Variants in WNK3 observed in about 807,000 individuals in gnomAD.
WNK3 encodes WNK lysine deficient protein kinase 3.
A neutral mutation model predicts 116.7 loss-of-function variants in WNK3; 18 were observed. The ratio of observed to expected loss-of-function variants is 0.15; its 90% CI spans 0.11 to 0.23. The LOEUF (loss-of-function observed/expected upper bound fraction) is 0.23. Ranked by LOEUF, WNK3 falls within the 10% of genes least tolerant of loss-of-function variation. WNK3 has a pLI of 1.00. For missense variants in WNK3, 993 were observed against 1,323.8 expected (o/e 0.75, Z 3.88); for synonymous variants, 404 against 469.4 (o/e 0.86, Z 1.80).
chrX:54,250,402 C>T lies in WNK3; in HGVS notation c.2576-271G>A, dbSNP rs934999179. ...AGAAACAGGGTACTCTTTGAAAAAA[C>T]TGACAGCACTTTTCTCATTAAAACC... On this transcript the variant is annotated intron_variant, in intron 15 of 23. Coordinates refer to ENST00000354646, the Ensembl canonical transcript of WNK3. Among the ~76,000 whole-genome samples the T allele has an allele frequency of 6.3e-5, 7 of 111,509 alleles. No homozygotes were observed. The East Asian group carries it at 2.0e-3, about 31-fold the overall frequency.
At chrX:54,252,275 T>G (rs2068141506) in intron 13 of WNK3, among the ~76,000 whole-genome samples, 1 of 111,228 alleles carries the variant, frequency 9.0e-6, no homozygotes, top group South Asian at 3.8e-4. Flanking sequence ...TATGTCATTC[T>G]ATAAATTGGT....
At chrX:54,257,856 C>T (rs782448413) in intron 11 of WNK3, among the ~76,000 whole-genome samples, 4 of 100,736 alleles carry the variant, frequency 4.0e-5, no homozygotes, top group Non-Finnish European at 6.0e-5. Flanking sequence ...AATATCCAAA[C>T]GCCCAGGAGA....
At chrX:54,246,352 A>AAAAG (rs1456177047) in intron 17 of WNK3, among the ~76,000 whole-genome samples, 3 of 111,363 alleles carry the variant, frequency 2.7e-5, no homozygotes, top group African/African-American at 9.8e-5. Context: ...CTGAAATTTA[A>AAAAG]AAAGAAAAAA....
At chrX:54,306,003 C>T (rs1282940775) in intron 5 of WNK3, among the ~76,000 whole-genome samples, 2 of 110,332 alleles carry the variant, frequency 1.8e-5, no homozygotes, top group East Asian at 2.8e-4. Context: ...TGCAGTGAGC[C>T]GAGATAGCGC....
chrX:54,214,897 C>T (rs2067665133), intron 22 of WNK3, among the ~76,000 whole-genome samples: 1 of 109,543 alleles, frequency 9.1e-6, no homozygotes, highest in African/African-American at 3.3e-5. Context: ...CCTGTAGTCC[C>T]AGCTACTCAG....
At chrX:54,243,660 G>A (rs2068047576) in intron 17 of WNK3, among the ~76,000 whole-genome samples, 1 of 111,503 alleles carries the variant, frequency 9.0e-6, no homozygotes, top group South Asian at 3.8e-4. Context: ...TGGAAAACAA[G>A]TGTTGGTAAG....
chrX:54,231,576 G>A (rs1557148920), intron 21 of WNK3, among the ~76,000 whole-genome samples: 1 of 111,695 alleles, frequency 9.0e-6, no homozygotes, highest in African/African-American at 3.3e-5. Flanking sequence ...TTCTGACACT[G>A]TTTCCCTTTT....
chrX:54,353,525 C>G (rs1336236172), intron 1 of WNK3, among the ~76,000 whole-genome samples: 2 of 110,285 alleles, frequency 1.8e-5, no homozygotes, highest in African/African-American at 6.6e-5. Flanking sequence ...AATTTTATCA[C>G]AATTTTTAAA....
intron 23 of WNK3, among the ~76,000 whole-genome samples, 172 bp downstream of exon 23, chrX:54,201,819 T>C (rs1557141686): frequency 8.9e-6 from 1 of 111,977 alleles, no homozygotes; most frequent in Non-Finnish European, 1.9e-5. Flanking sequence ...TACTGACTCA[T>C]GGTCTAAAAT....
intron 2 of WNK3, among the ~76,000 whole-genome samples, chrX:54,329,331 G>A (rs782224629): frequency 2.7e-5 from 3 of 111,718 alleles, no homozygotes; most frequent in Non-Finnish European, 5.6e-5. Flanking sequence ...CTTTCCAGAG[G>A]TGAATGATAG....
intron 12 of WNK3, among the ~76,000 whole-genome samples, chrX:54,255,175 T>G (rs2068177699): frequency 9.0e-6 from 1 of 111,234 alleles, no homozygotes; most frequent in African/African-American, 3.3e-5. Context: ...AGACGGGGTT[T>G]TATCATATTG....
intron 17 of WNK3, among the ~76,000 whole-genome samples, chrX:54,241,079 C>A (rs1189544455): frequency 1.8e-5 from 2 of 111,578 alleles, no homozygotes; most frequent in Admixed American, 9.6e-5. Context: ...GCAGCAGAGG[C>A]ATGCGCCCCC....
At chrX:54,277,750 G>A (rs1557161398) in intron 10 of WNK3, among the ~76,000 whole-genome samples, 3 of 111,446 alleles carry the variant, frequency 2.7e-5, no homozygotes, top group Non-Finnish European at 1.9e-5. Flanking sequence ...CAACACACAC[G>A]ATCACATTTC....
chrX:54,300,034 A>G (rs2068742189), intron 6 of WNK3, among the ~76,000 whole-genome samples: 1 of 109,573 alleles, frequency 9.1e-6, no homozygotes, highest in Non-Finnish European at 1.9e-5. Context: ...TAATTTTTGT[A>G]TTTCTTGTAG....
At chrX:54,277,510 G>A (rs782312290) in intron 10 of WNK3, among the ~76,000 whole-genome samples, 1 of 108,754 alleles carries the variant, frequency 9.2e-6, no homozygotes, top group African/African-American at 3.3e-5. Context: ...GCTAATTTTT[G>A]TATTTTTAGT....
intron 10 of WNK3, among the ~76,000 whole-genome samples, chrX:54,260,060 A>G (rs1342347169): frequency 9.0e-6 from 1 of 111,523 alleles, no homozygotes; most frequent in Admixed American, 9.6e-5. Flanking sequence ...GAACTGGCCT[A>G]TACCTGATTA....
intron 1 of WNK3, among the ~76,000 whole-genome samples, chrX:54,346,972 C>T (rs1017039605): frequency 4.5e-5 from 5 of 111,705 alleles, no homozygotes; most frequent in Non-Finnish European, 7.5e-5. Context: ...CAGTAATGAA[C>T]CATGTTGGCA....
chrX:54,333,532 C>G, exon 2 of WNK3: 1 of 1,211,575 alleles, frequency 8.3e-7, no homozygotes, highest in Non-Finnish European at 1.1e-6. Flanking sequence ...TCCCCAGAAG[C>G]AGAGAAGGTA....
chrX:54,302,018 C>A (rs1311846117), intron 5 of WNK3, among the ~76,000 whole-genome samples, 159 bp from the exon 6 acceptor site: 1 of 111,111 alleles, frequency 9.0e-6, no homozygotes, highest in East Asian at 2.8e-4. Context: ...AGTTTAATAA[C>A]CTTTTGACAA....
Sources: allele counts gnomAD v4.1 joint callset (sites outside exome capture counted in the v4.1 genomes callset), GRCh38; gene constraint gnomAD v4.1.1; transcripts MANE v1.5; gene names NCBI Gene and HGNC (gene_info 2026-07-23, HGNC 2026-07-21).